The following RAB27A variants were observed in gnomAD, a reference collection of about 807,000 sequenced individuals.
RAB27A encodes RAB27A, member RAS oncogene family.
A neutral mutation model predicts 20.8 loss-of-function variants in RAB27A; 17 were observed. The observed-to-expected ratio is 0.82, with a 90% CI of 0.56 to 1.23. The LOEUF (loss-of-function observed/expected upper bound fraction) is 1.23. RAB27A is among the 50% of genes most tolerant of loss of function. RAB27A has a pLI of 0.00. For missense variants in RAB27A, 277 were observed against 266.7 expected (o/e 1.04, Z -0.27); for synonymous variants, 85 against 92.8 (o/e 0.92, Z 0.48).
At chr15:55,206,419 A>C in intron 6 of RAB27A, 1 of 198,448 alleles carries the variant, frequency 5.0e-6, no homozygotes, top group Non-Finnish European at 9.1e-6. Context: ...GCACGATCTC[A>C]GTTCCCAGGC....
Position 55,209,923 on chromosome 15 carries a change from C to T in RAB27A, c.468-4218G>A, listed in dbSNP as rs554951969. Among the ~76,000 whole-genome samples the T allele has an allele frequency of 8.5e-5, 7 of 82,522 alleles. 1 individual carries two copies. The highest frequency in any genetic ancestry group is 2.5e-4 in the African/African-American group (3 of 11,782). The allele number at this position is 82,522 out of a possible 152,430, so 54.1% of individuals were successfully genotyped here. On this transcript the variant is annotated intron_variant, in intron 6 of 6. Coordinates refer to ENST00000336787, the MANE Select transcript of RAB27A (RefSeq NM_183235.3). ...ACATATGTGTGTGTATGTATATACA[C>T]ACATATATGTATGTACATGTACACA...
upstream of RAB27A, among the ~76,000 whole-genome samples, chr15:55,291,203 CTG>C (rs1315768649): frequency 6.6e-6 from 1 of 152,092 alleles, no homozygotes; most frequent in Non-Finnish European, 1.5e-5. Context: ...GGCCATCAGA[CTG>C]TTGGTGAGGT....
At chr15:55,297,294 T>C (rs139650781) in intron 2 of RAB27A, among the ~76,000 whole-genome samples, 2,615 of 152,346 alleles carry the variant, frequency 0.017, 73 homozygotes, top group African/African-American at 0.06. Context: ...GTGTGAAACA[T>C]GCAAGCCGTG....
chr15:55,262,835 G>C (rs1897325085), intron 2 of RAB27A, among the ~76,000 whole-genome samples: 2 of 151,996 alleles, frequency 1.3e-5, no homozygotes, highest in Non-Finnish European at 2.9e-5. Context: ...GATTATAGGT[G>C]TGAGCCACCA....
chr15:55,263,986 T>C (rs1265565417), intron 2 of RAB27A, among the ~76,000 whole-genome samples: 1 of 152,226 alleles, frequency 6.6e-6, no homozygotes, highest in Admixed American at 6.5e-5. Context: ...CAACATTTAG[T>C]CCACACCTGA....
rs571483267 is a variant in RAB27A, at chr15:55,266,220, G to C, written c.-23+3945C>G. On this transcript the variant is annotated intron_variant, in intron 2 of 6. Coordinates refer to ENST00000336787, the MANE Select transcript of RAB27A (RefSeq NM_183235.3). ...AGAGAGCTACCTTTCTGCCTTGTGA[G>C]AATACAGTGAAAAGTCAAGTGTCTG... Among the ~76,000 whole-genome samples, 4 of 152,328 alleles carry C rather than the reference G, an allele frequency of 2.6e-5. No individual in the cohort carries two copies. In the East Asian group the frequency reaches 5.8e-4, roughly 22 times the overall value.
At chr15:55,254,893 G>C (rs1012610153) in intron 2 of RAB27A, among the ~76,000 whole-genome samples, 1 of 152,150 alleles carries the variant, frequency 6.6e-6, no homozygotes, top group African/African-American at 2.4e-5. Flanking sequence ...TTTGGGAAAA[G>C]GCAGAGTTGG....
chr15:55,224,881 C>T (rs1315440875), intron 5 of RAB27A, among the ~76,000 whole-genome samples: 2 of 152,176 alleles, frequency 1.3e-5, no homozygotes, highest in South Asian at 4.1e-4. Flanking sequence ...TTTAGTTCCT[C>T]ATTATGAAGT....
At chr15:55,283,450 T>C (rs775248118) in intron 1 of RAB27A, among the ~76,000 whole-genome samples, 2 of 152,060 alleles carry the variant, frequency 1.3e-5, no homozygotes, top group Non-Finnish European at 2.9e-5. Context: ...CCTGAGGAAA[T>C]ACCACAACCC....
At chr15:55,315,458 G>C (rs1279870530) in intron 1 of RAB27A, among the ~76,000 whole-genome samples, 1 of 152,154 alleles carries the variant, frequency 6.6e-6, no homozygotes, top group Non-Finnish European at 1.5e-5. Context: ...ACTATCGTGA[G>C]AGTGAACAGG....
intron 2 of RAB27A, among the ~76,000 whole-genome samples, chr15:55,255,141 A>C (rs1012641493): frequency 6.6e-6 from 1 of 152,144 alleles, no homozygotes; most frequent in Admixed American, 6.5e-5. Flanking sequence ...GGGAAGAGAA[A>C]GTTGTTTCAA....
intron 2 of RAB27A, chr15:55,238,541 T>A (rs1380430243): frequency 6.6e-6 from 1 of 152,008 alleles, no homozygotes; most frequent in African/African-American, 2.4e-5. Context: ...GAGGATTCAA[T>A]GAGATACTGT....
At chr15:55,291,639 T>C (rs1444429745), upstream of RAB27A, among the ~76,000 whole-genome samples, 1 of 151,226 alleles carries the variant, frequency 6.6e-6, no homozygotes, top group Non-Finnish European at 1.5e-5. Context: ...TAATTGCTAA[T>C]GGCTGATATG....
At chr15:55,221,439 C>G (rs911056300) in intron 6 of RAB27A, among the ~76,000 whole-genome samples, 6 of 152,150 alleles carry the variant, frequency 3.9e-5, no homozygotes, top group African/African-American at 1.4e-4. Flanking sequence ...CTCCCTGTTT[C>G]TTTTCCACTA....
At chr15:55,289,343 A>C (rs1348191759) in intron 1 of RAB27A, 1 of 152,366 alleles carries the variant, frequency 6.6e-6, no homozygotes, top group Admixed American at 6.5e-5. Context: ...TTAAACAGTT[A>C]AACTGAAAGC....
intron 2 of RAB27A, among the ~76,000 whole-genome samples, chr15:55,252,588 T>A (rs890092899): frequency 2.7e-5 from 4 of 150,504 alleles, no homozygotes; most frequent in Admixed American, 6.6e-5. Context: ...GGCGACAGAG[T>A]GAGATTCCAT....
At chr15:55,207,864 C>T (rs1442506602) in intron 6 of RAB27A, among the ~76,000 whole-genome samples, 1 of 152,068 alleles carries the variant, frequency 6.6e-6, no homozygotes, top group East Asian at 1.9e-4. Context: ...ATCATGTTGG[C>T]CAGGCTGGTC....
chr15:55,278,489 T>A lies in RAB27A; in HGVS notation c.-142-8205A>T, dbSNP rs1427756703. ...AGTCTTCTAATCATTATTATTTTTT[T>A]TTTTTTTTTTTGAGAGGGAGTCTCA... is the stretch of plus-strand genomic sequence containing the variant. On this transcript the variant is annotated intron_variant, in intron 1 of 6. Coordinates refer to ENST00000336787, the MANE Select transcript of RAB27A (RefSeq NM_183235.3). Among the ~76,000 whole-genome samples the A allele has an allele frequency of 9.6e-3, 1,453 of 151,028 alleles. 24 individuals carry two copies. Among genetic ancestry groups the A allele is most frequent in the African/African-American group, 0.03 (1,222 of 41,322 alleles).
intron 2 of RAB27A, among the ~76,000 whole-genome samples, chr15:55,239,973 T>C (rs1310373559): frequency 6.6e-6 from 1 of 152,120 alleles, no homozygotes; most frequent in Non-Finnish European, 1.5e-5. Flanking sequence ...TTCTAGTCTA[T>C]ACCAGACTAT....
Sources: gnomAD v4.1 joint callset for allele counts (sites outside exome capture counted in the v4.1 genomes callset) on GRCh38, gnomAD v4.1.1 for gene constraint, MANE v1.5 for transcripts, NCBI Gene and HGNC (gene_info 2026-07-23, HGNC 2026-07-21) for gene names.